Variants in PPP6R2 observed in about 807,000 individuals in gnomAD.
PPP6R2 encodes protein phosphatase 6 regulatory subunit 2.
A neutral mutation model predicts 100.2 loss-of-function variants in PPP6R2; 62 were observed. That is an observed-to-expected ratio of 0.62 (90% CI 0.50 to 0.76). PPP6R2 has a LOEUF of 0.76. Ranked by LOEUF, PPP6R2 falls within the 30% of genes least tolerant of loss-of-function variation. The pLI is 0.00. For missense variants in PPP6R2, 1,142 were observed against 1,276.3 expected (o/e 0.89, Z 1.60); for synonymous variants, 525 against 514.7 (o/e 1.02, Z -0.27).
chr22:50,431,071 G>A lies in PPP6R2; in HGVS notation c.1126-102G>A. 1 of 915,928 alleles carries A rather than the reference G, an allele frequency of 1.1e-6. No individual in the cohort carries two copies. The highest frequency in any genetic ancestry group is 1.5e-5 in the South Asian group (1 of 65,644). The allele number at this position is 915,928 out of a possible 1,614,324, so 56.7% of individuals were successfully genotyped here. The stretch of plus-strand genomic sequence containing the variant: ...GCTACCCAGAGACTGGACTTGTGAG[G>A]AGTTAGGACGCCACCTTTAGGAAGG... On this transcript the variant is annotated intron_variant, in intron 10 of 23. Transcript: ENST00000612753. The surrounding 1 kb of genome is among the most constrained non-coding windows in gnomAD (Gnocchi z 4.8).
rs141308521 is a variant in PPP6R2 at position 50,407,086 on chromosome 22, C to G, written c.414+211C>G. 6.0e-3 allele frequency among the ~76,000 whole-genome samples: 907 copies of G among 152,222 alleles called. 12 individuals are homozygous for G. The highest frequency in any genetic ancestry group is 0.02 in the African/African-American group (847 of 41,516). On this transcript the variant is annotated intron_variant, in intron 4 of 23. Coordinates refer to ENST00000612753, the MANE Select transcript of PPP6R2 (RefSeq NM_001242898.2). ...TTCTGGCTGGGTGCGGTGGCTCAAG[C>G]CTGTAATCCCAGCACTTTGGGAGGC...
intron 8 of PPP6R2, among the ~76,000 whole-genome samples, chr22:50,420,595 G>C (rs1320431758): frequency 1.3e-5 from 2 of 152,190 alleles, no homozygotes; most frequent in Admixed American, 6.5e-5. Flanking sequence ...TCAAGTCATA[G>C]AAGGCTGGGC....
At chr22:50,421,504 G>A (rs917941260) in intron 8 of PPP6R2, among the ~76,000 whole-genome samples, 4 of 152,104 alleles carry the variant, frequency 2.6e-5, no homozygotes. Context: ...CACTGCACCT[G>A]GCTCTCTGAT....
chr22:50,352,206 G>A (rs973561153), intron 1 of PPP6R2, among the ~76,000 whole-genome samples: 1 of 152,166 alleles, frequency 6.6e-6, no homozygotes, highest in Non-Finnish European at 1.5e-5. Flanking sequence ...CTCCCAAAGT[G>A]CTGGGATTAC....
chr22:50,442,276 A>G (rs565812619), intron 22 of PPP6R2, among the ~76,000 whole-genome samples: 96 of 152,222 alleles, frequency 6.3e-4, no homozygotes, highest in East Asian at 1.5e-3. Flanking sequence ...GGCTCCGGGC[A>G]TCTCCCCCAG....
intron 10 of PPP6R2, among the ~76,000 whole-genome samples, chr22:50,424,345 C>CGTCA (rs2061727561): frequency 9.0e-6 from 1 of 111,012 alleles, no homozygotes; most frequent in Non-Finnish European, 1.8e-5. Context: ...AAGGTCTGTC[C>CGTCA]GCGTGTGGAA....
Position 50,351,026 on chromosome 22 carries a change from G to GT in PPP6R2, c.-148+7507dup, listed in dbSNP as rs1195469509. Reference sequence around the variant, plus strand: ...TTTCTGAGCAGTAGGTCTCAACAGTGTTTTTTTTTTTTTTTTTTTTTTTTT... The same window carrying GT: ...TTTCTGAGCAGTAGGTCTCAACAGTGTTTTTTTTTTTTTTTTTTTTTTTTTT... On this transcript the variant is annotated intron_variant, in intron 1 of 23. Transcript: ENST00000612753. Among the ~76,000 whole-genome samples the GT allele has an allele frequency of 6.4e-3, 517 of 80,682 alleles. 18 individuals are homozygous for GT. The highest frequency in any genetic ancestry group is 9.2e-3 in the Non-Finnish European group (407 of 44,166). The allele number at this position is 80,682 out of a possible 152,430, so 52.9% of individuals were successfully genotyped here. A position where few individuals can be genotyped will look rare whatever the true frequency, so the allele number is the denominator to read the frequency against.
chr22:50,386,121 G>A (rs7287411), intron 2 of PPP6R2, among the ~76,000 whole-genome samples: 57,391 of 150,044 alleles, frequency 0.38, 11,161 homozygotes, highest in South Asian at 0.63. Flanking sequence ...CACTGCGCCC[G>A]GACAAGGTTT....
At chr22:50,410,953 C>T (rs12162983) in intron 4 of PPP6R2, among the ~76,000 whole-genome samples, 2 of 151,760 alleles carry the variant, frequency 1.3e-5, no homozygotes, top group Admixed American at 6.6e-5. Flanking sequence ...CCCCATGACC[C>T]GCTAATTTTT....
chr22:50,394,401 C>T (rs1437216391), intron 3 of PPP6R2, among the ~76,000 whole-genome samples: 1 of 151,132 alleles, frequency 6.6e-6, no homozygotes, highest in Non-Finnish European at 1.5e-5. Flanking sequence ...TTGAGACCAG[C>T]CTGGGCAACA....
chr22:50,350,777 G>A (rs927378591), intron 1 of PPP6R2, among the ~76,000 whole-genome samples: 12 of 150,316 alleles, frequency 8.0e-5, no homozygotes, highest in African/African-American at 2.7e-4. Flanking sequence ...CCCAGGAGGC[G>A]CAACTTGCAG....
upstream of PPP6R2, among the ~76,000 whole-genome samples, chr22:50,339,286 GT>G (rs2042341126): frequency 8.3e-6 from 1 of 120,204 alleles, no homozygotes; most frequent in Admixed American, 8.5e-5. Flanking sequence ...TAGGGTGTGT[GT>G]TGTGTGTGGT....
chr22:50,431,255 C>T lies in PPP6R2; in HGVS notation c.1208C>T (p.Ala403Val). The change falls in exon 11 of 24, where the codon GCC (alanine) becomes GTC (valine). Residue 403 changes from alanine to valine, a missense_variant. Ala to Val is a moderately conservative substitution (Grantham distance 64). Around this residue, in one of 2 missense-constraint regions of PPP6R2, gnomAD observed 592 missense variants for 758.9 expected, o/e 0.78. Coordinates refer to ENST00000612753, the MANE Select transcript of PPP6R2 (RefSeq NM_001242898.2). This position sits in a 1 kb window ranked among gnomAD's most constrained non-coding sequence, Gnocchi z 4.8. ...ATAGCCGCTATTCTCTCCCACGCTGCCCGTGAGGAGAGGACAGAAGCCAGC... is the reference window on the plus strand; with the variant it reads ...ATAGCCGCTATTCTCTCCCACGCTGTCCGTGAGGAGAGGACAGAAGCCAGC... ...LCIAAILSHA[A>V]REERTEASGS... 6.2e-7 allele frequency: 1 copy of T among 1,613,736 alleles called. No homozygotes were observed.
intron 3 of PPP6R2, among the ~76,000 whole-genome samples, chr22:50,397,288 GC>G (rs1335312450): frequency 6.6e-6 from 1 of 152,102 alleles, no homozygotes; most frequent in Non-Finnish European, 1.5e-5. Flanking sequence ...AAGCAGAGAT[GC>G]CCTGAGTAAA....
At chr22:50,361,516 G>A (rs2047790521) in intron 1 of PPP6R2, among the ~76,000 whole-genome samples, 1 of 152,118 alleles carries the variant, frequency 6.6e-6, no homozygotes, top group African/African-American at 2.4e-5. Flanking sequence ...TACTTCTTCT[G>A]TGCGTCTTGT....
At chr22:50,340,205 AGT>A (rs1305459754), upstream of PPP6R2, among the ~76,000 whole-genome samples, 2 of 32,084 alleles carry the variant, frequency 6.2e-5, no homozygotes, top group Non-Finnish European at 1.3e-4. Context: ...TGTGGTATGG[AGT>A]GTGTGGTATG....
chr22:50,339,622 AGT>A (rs536009941), upstream of PPP6R2, among the ~76,000 whole-genome samples: 754 of 52,038 alleles, frequency 0.014, 25 homozygotes, highest in Admixed American at 0.13. Context: ...TGTGGTATGT[AGT>A]GTGTGTTATG....
chr22:50,420,989 T>C (rs2061258151), intron 8 of PPP6R2, among the ~76,000 whole-genome samples: 1 of 152,210 alleles, frequency 6.6e-6, no homozygotes, highest in South Asian at 2.1e-4. Flanking sequence ...CCCCCAACAC[T>C]GATAGCCTGT....
intron 5 of PPP6R2, 108 bp from the exon 6 acceptor site, chr22:50,415,984 G>C: frequency 1.0e-6 from 1 of 977,074 alleles, no homozygotes; most frequent in Admixed American, 1.9e-5. Context: ...GTCAGGCAAA[G>C]AGTCTATATT....
Sources: allele counts gnomAD v4.1 joint callset (sites outside exome capture counted in the v4.1 genomes callset), GRCh38; gene constraint gnomAD v4.1.1; regional missense constraint gnomAD v4.1.1; non-coding constraint Gnocchi (gnomAD v3.1); transcripts MANE v1.5; gene names NCBI Gene and HGNC (gene_info 2026-07-23, HGNC 2026-07-21).